The following LRRIQ3 variants were observed in gnomAD, a reference collection of about 807,000 sequenced individuals.
LRRIQ3 encodes leucine rich repeats and IQ motif containing 3.
Under a neutral mutation model 59.3 loss-of-function variants are expected in LRRIQ3, and 75 were observed. The observed-to-expected ratio is 1.26, with a 90% CI of 1.05 to 1.53. The LOEUF is 1.53. LRRIQ3 is among the 40% of genes most tolerant of loss of function. The probability of loss-of-function intolerance (pLI) is 0.00; values close to 1 mark genes in which losing one functional copy is unlikely to be tolerated. For synonymous variants in LRRIQ3, 250 were observed against 231.3 expected, an observed-to-expected ratio of 1.08 and a Z score of -0.73; for missense variants, 831 against 710.0, an observed-to-expected ratio of 1.17 and a Z score of -1.94.
At chr1:74,068,971 G>C (rs745896554) in intron 6 of LRRIQ3, among the ~76,000 whole-genome samples, 7 of 151,986 alleles carry the variant, frequency 4.6e-5, no homozygotes, top group Non-Finnish European at 1.0e-4. Flanking sequence ...ATCACCTTTA[G>C]AGTATTCGTT....
chr1:74,043,840 A>G lies in LRRIQ3; in HGVS notation c.998-1907T>C, dbSNP rs1654120046. On this transcript the variant is annotated intron_variant, in intron 6 of 7. Transcript: ENST00000354431. ...TTCCATTTTTGGCCTAGGATTATAT[A>G]ATACCAGAAAAGAGCGACATATTTT... 3.3e-5 allele frequency among the ~76,000 whole-genome samples: 5 copies of G among 152,216 alleles called. No homozygotes were observed. The South Asian group carries it at 8.3e-4, about 25-fold the overall frequency.
At chr1:74,065,356 C>T (rs980915575) in intron 6 of LRRIQ3, among the ~76,000 whole-genome samples, 1 of 152,026 alleles carries the variant, frequency 6.6e-6, no homozygotes, top group African/African-American at 2.4e-5. Flanking sequence ...GATTCCAAGT[C>T]CCCTTAGCAT....
At chr1:74,151,952 T>C (rs1445923099) in intron 4 of LRRIQ3, among the ~76,000 whole-genome samples, 1 of 152,130 alleles carries the variant, frequency 6.6e-6, no homozygotes, top group Non-Finnish European at 1.5e-5. Context: ...AAACTAATTT[T>C]ATAGAAACAG....
chr1:74,104,413 G>A (rs796199343), intron 5 of LRRIQ3, among the ~76,000 whole-genome samples: 2 of 151,916 alleles, frequency 1.3e-5, no homozygotes, highest in Non-Finnish European at 2.9e-5. Flanking sequence ...ATTCATAATT[G>A]CCAAGACTTG....
intron 6 of LRRIQ3, among the ~76,000 whole-genome samples, chr1:74,072,661 C>T (rs964634712): frequency 6.6e-6 from 1 of 151,836 alleles, no homozygotes; most frequent in Admixed American, 6.6e-5. Context: ...GCAATTTATG[C>T]TCACATTTAT....
chr1:74,055,257 C>T (rs951514287), intron 6 of LRRIQ3, among the ~76,000 whole-genome samples: 2 of 150,036 alleles, frequency 1.3e-5, no homozygotes, highest in African/African-American at 4.9e-5. Context: ...TTTTCTGACA[C>T]TTTGTCACAG....
intron 4 of LRRIQ3, among the ~76,000 whole-genome samples, chr1:74,115,261 G>A (rs1646763216): frequency 6.6e-6 from 1 of 151,944 alleles, no homozygotes; most frequent in Admixed American, 6.6e-5. Context: ...GTTTAGATTA[G>A]GAAAACTTCT....
chr1:74,077,526 A>T (rs920918297), intron 5 of LRRIQ3, among the ~76,000 whole-genome samples: 1 of 151,952 alleles, frequency 6.6e-6, no homozygotes, highest in Non-Finnish European at 1.5e-5. Flanking sequence ...TTATAAACTC[A>T]TGAAACGTAA....
At chr1:74,029,931 G>T (rs759448863) in intron 7 of LRRIQ3, among the ~76,000 whole-genome samples, 1 of 151,982 alleles carries the variant, frequency 6.6e-6, no homozygotes, top group African/African-American at 2.4e-5. Context: ...TCTTGGGAGG[G>T]TGTATGTGTC....
chr1:74,130,317 G>A (rs558994313), intron 4 of LRRIQ3, among the ~76,000 whole-genome samples: 5 of 152,198 alleles, frequency 3.3e-5, no homozygotes, highest in African/African-American at 1.2e-4. Flanking sequence ...GGCTATGGCT[G>A]ATCTCAATGC....
At chr1:74,197,525 G>C (rs1176033455) in intron 1 of LRRIQ3, among the ~76,000 whole-genome samples, 1 of 152,186 alleles carries the variant, frequency 6.6e-6, no homozygotes, top group Non-Finnish European at 1.5e-5. Flanking sequence ...ATTCCTAAGA[G>C]TGTTATTGAA....
chr1:74,155,895 T>C (rs1392941850), intron 3 of LRRIQ3, 29 bp from the exon 4 acceptor site: 1 of 1,157,532 alleles, frequency 8.6e-7, no homozygotes, highest in East Asian at 3.0e-5. Flanking sequence ...ATTAATAATT[T>C]TTATCTTTCA....
intron 1 of LRRIQ3, among the ~76,000 whole-genome samples, chr1:74,193,378 C>T (rs2100746575): frequency 6.6e-6 from 1 of 152,164 alleles, no homozygotes; most frequent in South Asian, 2.1e-4. Flanking sequence ...AACTAAAGTA[C>T]CAATTTAAAA....
At chr1:74,180,400 A>G (rs1262880316) in intron 3 of LRRIQ3, 2 of 224,316 alleles carry the variant, frequency 8.9e-6, no homozygotes, top group Non-Finnish European at 1.8e-5. Context: ...CTGAATTTAC[A>G]ATCAAGTCCA....
chr1:74,138,561 GA>G, intron 4 of LRRIQ3: 1 of 902,158 alleles, frequency 1.1e-6, no homozygotes, highest in South Asian at 5.0e-5. Context: ...AACTCTTCAG[GA>G]GAGTGAAATG....
intron 4 of LRRIQ3, chr1:74,144,498 C>A (rs792114): frequency 3.4e-6 from 1 of 295,274 alleles, no homozygotes; most frequent in South Asian, 2.9e-5. Flanking sequence ...TTCTCGCTTT[C>A]TTGGACACAT....
At chr1:74,095,015 A>G (rs551981210) in intron 5 of LRRIQ3, 1 of 152,156 alleles carries the variant, frequency 6.6e-6, no homozygotes, top group South Asian at 2.1e-4. Context: ...TATGAGCCCA[A>G]TTTGTGGGGC....
chr1:74,094,455 G>T (rs1646427993), intron 5 of LRRIQ3, among the ~76,000 whole-genome samples: 1 of 151,966 alleles, frequency 6.6e-6, no homozygotes, highest in South Asian at 2.1e-4. Context: ...TGAGGTAGGG[G>T]TCACAAGCCA....
intron 3 of LRRIQ3, among the ~76,000 whole-genome samples, chr1:74,163,294 G>A (rs1648767190): frequency 6.6e-6 from 1 of 151,142 alleles, no homozygotes; most frequent in Admixed American, 6.6e-5. Context: ...CCCACAAAAT[G>A]GTAAAAAATC....
Sources: gnomAD v4.1 joint callset for allele counts (sites outside exome capture counted in the v4.1 genomes callset) on GRCh38, gnomAD v4.1.1 for gene constraint, MANE v1.5 for transcripts, NCBI Gene and HGNC (gene_info 2026-07-23, HGNC 2026-07-21) for gene names.